USP54: variants seen among roughly 807,000 people sequenced by gnomAD.
USP54 encodes ubiquitin carboxyl-terminal hydrolase 54.
A neutral mutation model predicts 170.5 loss-of-function variants in USP54; 87 were observed. The ratio of observed to expected loss-of-function variants is 0.51; its 90% CI spans 0.43 to 0.61. The LOEUF (loss-of-function observed/expected upper bound fraction) is 0.61. USP54 is among the 20% of genes least tolerant of loss of function. USP54 has a pLI of 0.00. For synonymous variants in USP54, 655 were observed against 742.8 expected (o/e 0.88, Z 1.92); for missense variants, 1,786 against 2,047.8 (o/e 0.87, Z 2.47).
intron 1 of USP54, among the ~76,000 whole-genome samples, chr10:73,606,175 C>CAAA (rs1178699732): frequency 6.6e-4 from 17 of 25,616 alleles, no homozygotes; most frequent in Admixed American, 1.5e-3. Flanking sequence ...GAGGCTGTCT[C>CAAA]AAAAAAAAAA....
chr10:73,613,780 G>C (rs2080366235), intron 1 of USP54, among the ~76,000 whole-genome samples: 1 of 151,898 alleles, frequency 6.6e-6, no homozygotes, highest in African/African-American at 2.4e-5. Context: ...TCAGAAGGCT[G>C]AGAGGGAAGA....
At chr10:73,567,541 G>A (rs1392335953) in intron 4 of USP54, among the ~76,000 whole-genome samples, 1 of 152,026 alleles carries the variant, frequency 6.6e-6, no homozygotes, top group Non-Finnish European at 1.5e-5. Flanking sequence ...GCGTGGTAGT[G>A]GGTGCCTGTA....
rs199626716 is a variant in USP54 at position 73,500,695 on chromosome 10, G to A, written c.4455C>T (p.Val1485=). 1.2e-4 allele frequency: 190 copies of A among 1,606,084 alleles called. No homozygotes were observed. Among genetic ancestry groups the A allele is most frequent in the Non-Finnish European group, 1.6e-4 (183 of 1,176,442 alleles). The stretch of plus-strand genomic sequence containing the variant: ...GCTCCCCTGCCATGGTGGGCATCAG[G>A]ACATCTGGGGACAGGAACTGTGGTT... The part of the protein sequence containing the change: ...LPQPQFLSPD[V]LMPTMAGEPN... Residue 1485 remains valine, a synonymous_variant, in exon 23 of 24, where the codon GTC becomes GTT. Coordinates refer to ENST00000687698, the MANE Select transcript of USP54 (RefSeq NM_001391956.1).
intron 20 of USP54, 131 bp downstream of exon 20, chr10:73,516,244 A>C: frequency 4.8e-6 from 5 of 1,049,872 alleles, no homozygotes; most frequent in Non-Finnish European, 6.8e-6. Flanking sequence ...TTCTGAGTAA[A>C]GTCAAAAGTT....
chr10:73,575,611 T>C lies in USP54; in HGVS notation c.48A>G (p.Gln16=). The C allele has an allele frequency of 1.9e-6, 3 of 1,613,720 alleles. No homozygotes were observed. Among genetic ancestry groups the C allele is most frequent in the Non-Finnish European group, 2.5e-6 (3 of 1,179,848 alleles). ...NYFSGGRGSV[Q]GMFAPRSSTS... ...TTGAGCTTCGAGGTGCAAACATCCC[T>C]TGTACACTACCACGACCCCCTGAAA... The change falls in exon 3 of 24, where the codon CAA becomes CAG. Residue 16 remains glutamine (Q), a synonymous_variant. Transcript: ENST00000687698.
At chr10:73,579,243 AC>A (rs1164650067) in intron 1 of USP54, among the ~76,000 whole-genome samples, 1 of 152,028 alleles carries the variant, frequency 6.6e-6, no homozygotes, top group Non-Finnish European at 1.5e-5. Flanking sequence ...GAGCCACTGC[AC>A]CCGGACAAAG....
chr10:73,534,754 G>A lies in USP54; in HGVS notation c.1161C>T (p.Ile387=), dbSNP rs1387399844. The change falls in exon 12 of 24, where the codon ATC becomes ATT. Residue 387 remains isoleucine, a synonymous_variant. Coordinates refer to ENST00000687698, the MANE Select transcript of USP54 (RefSeq NM_001391956.1). ...DSEDSGREPS[I]SSDTRTDSST... ...AGGAATCTGTTCGAGTGTCACTTGA[G>A]ATGGAGGGCTCCCTCCCTGAGAGGA... 4 of 1,613,864 alleles carry A rather than the reference G, an allele frequency of 2.5e-6. No individual in the cohort carries two copies. The highest frequency in any genetic ancestry group is 3.4e-6 in the Non-Finnish European group (4 of 1,179,910).
At chr10:73,505,916 G>A (rs185529429) in intron 20 of USP54, 3 of 152,448 alleles carry the variant, frequency 2.0e-5, no homozygotes, top group African/African-American at 7.2e-5. Context: ...AGTTTACTGA[G>A]TGTCCCCATC....
intron 4 of USP54, among the ~76,000 whole-genome samples, chr10:73,551,241 T>C (rs1248915164): frequency 6.6e-6 from 1 of 152,204 alleles, no homozygotes; most frequent in Non-Finnish European, 1.5e-5. Context: ...TGTCTCCATA[T>C]GATGTGGGAG....
rs547392127 is a variant in USP54 at position 73,609,820 on chromosome 10, G to C, written c.-18+15747C>G. 4.0e-5 allele frequency among the ~76,000 whole-genome samples: 6 copies of C among 149,910 alleles called. 1 individual carries two copies. In the South Asian group the frequency reaches 1.3e-3, roughly 32 times the overall value. On this transcript the variant is annotated intron_variant, in intron 1 of 22. Transcript: ENST00000339859. Reference sequence around the variant, plus strand: ...GATCATGCCACTGCACTCCAGCCTGGCTACAGAGCGAGATTCCGTCACAAA... The same window carrying C: ...GATCATGCCACTGCACTCCAGCCTGCCTACAGAGCGAGATTCCGTCACAAA...
At chr10:73,540,776 GC>G (rs1183363626) in intron 9 of USP54, among the ~76,000 whole-genome samples, 1 of 152,084 alleles carries the variant, frequency 6.6e-6, no homozygotes, top group Admixed American at 6.6e-5. Context: ...ATTGCTCACA[GC>G]CTACTCAGGT....
chr10:73,542,953 A>T, intron 6 of USP54, 65 bp downstream of exon 6: 2 of 1,609,024 alleles, frequency 1.2e-6, no homozygotes, highest in Non-Finnish European at 1.7e-6. Flanking sequence ...CCCATTTAAC[A>T]CCCCACATCC....
intron 4 of USP54, among the ~76,000 whole-genome samples, chr10:73,549,922 C>CTTTGT (rs202195052): frequency 6.6e-6 from 1 of 152,068 alleles, no homozygotes; most frequent in South Asian, 2.1e-4. Flanking sequence ...TTCCACTTCT[C>CTTTGT]TTTGTTTTGT....
chr10:73,555,856 T>C (rs1002197132), intron 4 of USP54, among the ~76,000 whole-genome samples: 1 of 152,190 alleles, frequency 6.6e-6, no homozygotes, highest in African/African-American at 2.4e-5. Flanking sequence ...TCACTACATG[T>C]TTCCTTGCAG....
At chr10:73,566,503 C>A in intron 4 of USP54, among the ~76,000 whole-genome samples, 1 of 151,826 alleles carries the variant, frequency 6.6e-6, no homozygotes, top group East Asian at 2.0e-4. Context: ...GGGGCCGAGG[C>A]GGGTGGATCA....
intron 10 of USP54, among the ~76,000 whole-genome samples, chr10:73,537,360 A>G (rs1283495435): frequency 6.6e-6 from 1 of 152,204 alleles, no homozygotes; most frequent in Non-Finnish European, 1.5e-5. Flanking sequence ...TTTGACAAAT[A>G]CTTTACTATT....
At chr10:73,618,000 C>T (rs1249108923) in intron 1 of USP54, among the ~76,000 whole-genome samples, 1 of 150,394 alleles carries the variant, frequency 6.6e-6, no homozygotes, top group Non-Finnish European at 1.5e-5. Flanking sequence ...CATCTGAGGT[C>T]AGGAGTTCGA....
chr10:73,536,554 G>A, intron 10 of USP54, 117 bp from the exon 11 acceptor site: 1 of 1,227,712 alleles, frequency 8.1e-7, no homozygotes, highest in Non-Finnish European at 1.1e-6. Context: ...ATAAGAATTG[G>A]GTAAAAAGGC....
chr10:73,579,022 C>A (rs544158973), intron 1 of USP54, among the ~76,000 whole-genome samples: 1 of 149,928 alleles, frequency 6.7e-6, no homozygotes, highest in Non-Finnish European at 1.5e-5. Context: ...CTCACTGTAA[C>A]CTCCACCTCC....
Sources: gnomAD v4.1 joint callset for allele counts (sites outside exome capture counted in the v4.1 genomes callset) on GRCh38, gnomAD v4.1.1 for gene constraint, MANE v1.5 for transcripts, NCBI Gene and HGNC (gene_info 2026-07-23, HGNC 2026-07-21) for gene names.